The following CORO1C variants were observed in gnomAD, a reference collection of about 807,000 sequenced individuals.
The protein encoded by CORO1C is coronin-1C.
Under a neutral mutation model 51.2 loss-of-function variants are expected in CORO1C, and 14 were observed. The observed-to-expected ratio is 0.27, with a 90% confidence interval of 0.18 to 0.43. The LOEUF (loss-of-function observed/expected upper bound fraction) is 0.43. CORO1C is among the 20% of genes least tolerant of loss of function. CORO1C has a pLI of 1.00. For missense variants in CORO1C, 417 were observed against 607.8 expected, an observed-to-expected ratio of 0.69 and a Z score of 3.30; for synonymous variants, 181 against 210.5, an observed-to-expected ratio of 0.86 and a Z score of 1.21.
intron 2 of CORO1C, among the ~76,000 whole-genome samples, chr12:108,683,229 C>A (rs1038410352): frequency 6.6e-6 from 1 of 151,952 alleles, no homozygotes; most frequent in Admixed American, 6.6e-5. Flanking sequence ...ACCAGCCTGG[C>A]CAACATAGTG....
At chr12:108,680,572 T>G (rs972038202) in intron 2 of CORO1C, among the ~76,000 whole-genome samples, 1 of 152,166 alleles carries the variant, frequency 6.6e-6, no homozygotes, top group Non-Finnish European at 1.5e-5. Flanking sequence ...CTAGCCAAAT[T>G]ACTCCATCCC....
intron 1 of CORO1C, among the ~76,000 whole-genome samples, chr12:108,726,034 C>T (rs1228175997): frequency 6.6e-6 from 1 of 151,972 alleles, no homozygotes; most frequent in Non-Finnish European, 1.5e-5. Context: ...ACAGGTTGGC[C>T]GTGTTGGCCA....
At chr12:108,697,547 T>C (rs1454752643) in intron 2 of CORO1C, among the ~76,000 whole-genome samples, 13 of 152,244 alleles carry the variant, frequency 8.5e-5, no homozygotes, top group Admixed American at 7.8e-4. Flanking sequence ...CACCTCATGA[T>C]AAAACTATTT....
rs76826111 is a variant in CORO1C at position 108,693,263 on chromosome 12, A to G, written c.195+7861T>C. Among the ~76,000 whole-genome samples the G allele has an allele frequency of 4.8e-3, 736 of 152,356 alleles. 9 individuals are homozygous for G. The highest frequency in any genetic ancestry group is 0.017 in the African/African-American group (705 of 41,582). ...TGGACAACCACTCAATTTGGTTTCAATTTCTACAACTGTAGAACAGAGGAA... is the reference window on the plus strand; with the variant it reads ...TGGACAACCACTCAATTTGGTTTCAGTTTCTACAACTGTAGAACAGAGGAA... On this transcript the variant is annotated intron_variant, in intron 2 of 10. Transcript: ENST00000261401.
chr12:108,699,539 T>A (rs2034799214), intron 2 of CORO1C, among the ~76,000 whole-genome samples: 1 of 152,212 alleles, frequency 6.6e-6, no homozygotes, highest in Non-Finnish European at 1.5e-5. Flanking sequence ...TGACCTTAGC[T>A]AACAAGCTAT....
At chr12:108,719,736 A>G (rs879827361) in intron 1 of CORO1C, among the ~76,000 whole-genome samples, 17 of 152,348 alleles carry the variant, frequency 1.1e-4, no homozygotes, top group Non-Finnish European at 1.6e-4. Flanking sequence ...TGAGAAACTC[A>G]AAAAGAGAAA....
intron 1 of CORO1C, chr12:108,703,113 C>A: frequency 6.9e-6 from 4 of 580,426 alleles, no homozygotes; most frequent in Non-Finnish European, 1.1e-5. Flanking sequence ...GTACAGCCAG[C>A]TGGTCTTGGG....
At chr12:108,671,756 T>TTTTA (rs1314521894) in intron 3 of CORO1C, among the ~76,000 whole-genome samples, 6 of 152,180 alleles carry the variant, frequency 3.9e-5, no homozygotes, top group South Asian at 2.1e-4. Flanking sequence ...GAGTCAATAA[T>TTTTA]TTTATTTATT....
chr12:108,665,387 G>GTT (rs2033435387), intron 3 of CORO1C, among the ~76,000 whole-genome samples: 1 of 152,016 alleles, frequency 6.6e-6, no homozygotes, highest in Non-Finnish European at 1.5e-5. Flanking sequence ...TACTACCTTG[G>GTT]TTAACTCTTT....
At chr12:108,727,144 G>C (rs1271635035) in intron 1 of CORO1C, among the ~76,000 whole-genome samples, 1 of 152,236 alleles carries the variant, frequency 6.6e-6, no homozygotes, top group Non-Finnish European at 1.5e-5. Flanking sequence ...ATCTCAGTCT[G>C]CCTTCCATGT....
At chr12:108,647,930 G>A (rs1214886684) in intron 10 of CORO1C, among the ~76,000 whole-genome samples, 2 of 140,528 alleles carry the variant, frequency 1.4e-5, no homozygotes, top group African/African-American at 2.6e-5. Context: ...TCTCCCAGAG[G>A]CTACAGAGCT....
At chr12:108,676,041 C>A (rs1038223909) in intron 3 of CORO1C, among the ~76,000 whole-genome samples, 3 of 152,094 alleles carry the variant, frequency 2.0e-5, no homozygotes, top group Non-Finnish European at 2.9e-5. Flanking sequence ...AAGGAGGAAT[C>A]TTTAGATTAA....
chr12:108,685,850 A>G (rs1268926186), intron 2 of CORO1C, among the ~76,000 whole-genome samples: 1 of 152,208 alleles, frequency 6.6e-6, no homozygotes, highest in Non-Finnish European at 1.5e-5. Context: ...GGTAGATGGC[A>G]TTTTAAAGGT....
chr12:108,705,837 G>GT (rs2035013267), intron 1 of CORO1C, among the ~76,000 whole-genome samples: 2 of 151,966 alleles, frequency 1.3e-5, no homozygotes, highest in South Asian at 2.1e-4. Flanking sequence ...ATCAATTAAC[G>GT]TAACACATTA....
intron 1 of CORO1C, among the ~76,000 whole-genome samples, chr12:108,722,902 A>C (rs746170862): frequency 6.6e-6 from 1 of 152,252 alleles, no homozygotes; most frequent in Non-Finnish European, 1.5e-5. Flanking sequence ...TCAAACTAGC[A>C]GTCTTAGGGA....
intron 10 of CORO1C, 21 bp downstream of exon 10, chr12:108,648,584 C>T (rs1423050763): frequency 6.2e-7 from 1 of 1,613,782 alleles, no homozygotes; most frequent in African/African-American, 1.3e-5. Flanking sequence ...CCAAGCACCC[C>T]TGCACTCCAC....
rs2035010111 is a variant in CORO1C at position 108,705,711 on chromosome 12, A to C, written c.-5-4388T>G. Among the ~76,000 whole-genome samples the C allele has an allele frequency of 2.0e-5, 3 of 152,206 alleles. No individual in the cohort carries two copies. The South Asian group carries it at 6.2e-4, about 31-fold the overall frequency. On this transcript the variant is annotated intron_variant, in intron 1 of 10. Coordinates refer to ENST00000261401, the MANE Select transcript of CORO1C (RefSeq NM_014325.4). ...TATCTCTTATGAATACAGATGCAAA[A>C]AATCCTCAACAATACCAGCAAACGA...
chr12:108,666,751 T>C (rs1439730622), intron 3 of CORO1C, among the ~76,000 whole-genome samples: 1 of 152,200 alleles, frequency 6.6e-6, no homozygotes, highest in African/African-American at 2.4e-5. Context: ...ATTTCACTTC[T>C]GGGAGCCTGA....
At chr12:108,713,452 T>A (rs1437314223) in intron 1 of CORO1C, among the ~76,000 whole-genome samples, 1 of 152,190 alleles carries the variant, frequency 6.6e-6, no homozygotes, top group Admixed American at 6.5e-5. Flanking sequence ...AGGTAACAGG[T>A]AAGATGCCAA....
Sources: allele counts gnomAD v4.1 joint callset (sites outside exome capture counted in the v4.1 genomes callset), GRCh38; gene constraint gnomAD v4.1.1; transcripts MANE v1.5; gene names NCBI Gene and HGNC (gene_info 2026-07-23, HGNC 2026-07-21).